DAB1: variants seen among roughly 807,000 people sequenced by gnomAD.
DAB1 encodes the protein disabled homolog 1.
DAB1 carries 15 observed loss-of-function variants against 64.6 expected under a neutral mutation model. The observed-to-expected ratio is 0.23, with a 90% CI of 0.16 to 0.36. The LOEUF (loss-of-function observed/expected upper bound fraction) is 0.36. Among genes scored for constraint, DAB1 ranks in the 10% least tolerant of loss-of-function variants. The pLI is 1.00. For missense variants in DAB1, 596 were observed against 706.7 expected, an observed-to-expected ratio of 0.84 and a Z score of 1.78; for synonymous variants, 235 against 251.9, an observed-to-expected ratio of 0.93 and a Z score of 0.64.
chr1:58,163,684 C>T (rs1280230888), intron 4 of DAB1, among the ~76,000 whole-genome samples: 2 of 152,118 alleles, frequency 1.3e-5, no homozygotes, highest in Non-Finnish European at 2.9e-5. Context: ...GTGGACTCAC[C>T]AGGCTCAAAA....
intron 6 of DAB1, among the ~76,000 whole-genome samples, chr1:57,779,415 C>T (rs992796499): frequency 1.3e-5 from 2 of 152,098 alleles, no homozygotes; most frequent in Admixed American, 6.5e-5. Context: ...TTCTCAAGAG[C>T]TGCAGAGGCC....
At chr1:57,523,929 A>C (rs1025176704) in intron 7 of DAB1, among the ~76,000 whole-genome samples, 4 of 152,166 alleles carry the variant, frequency 2.6e-5, no homozygotes, top group Non-Finnish European at 5.9e-5. Context: ...TGTCTCAAAA[A>C]AAAAGAAAAA....
chr1:57,624,402 G>A (rs1645897802), intron 7 of DAB1, among the ~76,000 whole-genome samples: 1 of 152,086 alleles, frequency 6.6e-6, no homozygotes, highest in South Asian at 2.1e-4. Context: ...AAATGGAAAC[G>A]ATGAAAGGAA....
chr1:57,651,205 A>T (rs1360951327), intron 6 of DAB1, among the ~76,000 whole-genome samples: 1 of 152,318 alleles, frequency 6.6e-6, no homozygotes, highest in East Asian at 1.9e-4. Context: ...CACAAAGTCA[A>T]TATAATAAAA....
intron 1 of DAB1, among the ~76,000 whole-genome samples, chr1:57,827,250 G>GAAC (rs1160023663): frequency 1.3e-5 from 2 of 152,022 alleles, no homozygotes; most frequent in Non-Finnish European, 2.9e-5. Flanking sequence ...TCAAAATGAA[G>GAAC]AACAGTTCAG....
At chr1:57,264,480 C>G (rs1670432862) in intron 2 of DAB1, among the ~76,000 whole-genome samples, 1 of 152,242 alleles carries the variant, frequency 6.6e-6, no homozygotes, top group African/African-American at 2.4e-5. Flanking sequence ...TTTTCAAGGA[C>G]AAATTCCGCA....
At chr1:57,759,088 T>C (rs1406757456) in intron 6 of DAB1, among the ~76,000 whole-genome samples, 6 of 151,810 alleles carry the variant, frequency 4.0e-5, no homozygotes, top group Non-Finnish European at 7.4e-5. Flanking sequence ...AACTATGCTG[T>C]CTTAAGCTGT....
At chr1:57,097,532 G>A (rs1570685486) in intron 4 of DAB1, among the ~76,000 whole-genome samples, 1 of 152,112 alleles carries the variant, frequency 6.6e-6, no homozygotes, top group East Asian at 1.9e-4. Context: ...TGCAGGAGCT[G>A]GAAATATGGA....
chr1:57,147,969 C>A (rs751574791), intron 2 of DAB1, among the ~76,000 whole-genome samples: 16 of 152,162 alleles, frequency 1.1e-4, no homozygotes, highest in Non-Finnish European at 2.4e-4. Flanking sequence ...CAAGCCTGTT[C>A]GCCTAACCAC....
intron 5 of DAB1, among the ~76,000 whole-genome samples, chr1:58,127,303 GTTGT>G (rs1413182448): frequency 5.9e-5 from 9 of 152,218 alleles, no homozygotes; most frequent in Admixed American, 3.3e-4. Context: ...TTTTGATGGG[GTTGT>G]TTGTTTTTTT....
intron 2 of DAB1, among the ~76,000 whole-genome samples, chr1:58,511,660 A>G (rs188617197): frequency 6.6e-6 from 1 of 152,098 alleles, no homozygotes; most frequent in East Asian, 1.9e-4. Context: ...CACAAACCCC[A>G]CAATGAGGAA....
intron 3 of DAB1, among the ~76,000 whole-genome samples, chr1:58,355,255 G>C (rs1644099108): frequency 1.3e-5 from 2 of 152,188 alleles, no homozygotes; most frequent in South Asian, 4.1e-4. Flanking sequence ...TCACCAGCCA[G>C]TCTCCATCTG....
At chr1:57,964,155 C>G (rs901245571) in intron 5 of DAB1, among the ~76,000 whole-genome samples, 3 of 152,110 alleles carry the variant, frequency 2.0e-5, no homozygotes, top group Non-Finnish European at 4.4e-5. Flanking sequence ...GGCTCTGATC[C>G]CCCTAGAGAG....
At chr1:58,359,288 T>A (rs1178975658) in intron 3 of DAB1, among the ~76,000 whole-genome samples, 3 of 152,294 alleles carry the variant, frequency 2.0e-5, no homozygotes, top group Non-Finnish European at 2.9e-5. Flanking sequence ...ATGGCATTTG[T>A]CTAAAATTAC....
chr1:57,790,013 A>T (rs1400721338), intron 6 of DAB1, among the ~76,000 whole-genome samples: 1 of 152,164 alleles, frequency 6.6e-6, no homozygotes, highest in East Asian at 1.9e-4. Context: ...GGCTAACAGG[A>T]GGCACCAACG....
intron 5 of DAB1, among the ~76,000 whole-genome samples, chr1:58,081,892 G>T (rs1304105164): frequency 6.6e-6 from 1 of 152,156 alleles, no homozygotes; most frequent in Non-Finnish European, 1.5e-5. Flanking sequence ...GAGGTCAGAT[G>T]CTTGCATTTC....
chr1:57,836,648 C>T (rs1652821766), intron 1 of DAB1, among the ~76,000 whole-genome samples: 1 of 152,344 alleles, frequency 6.6e-6, no homozygotes. Flanking sequence ...TCGGCATCCG[C>T]CATCTCTTGA....
intron 5 of DAB1, among the ~76,000 whole-genome samples, chr1:57,915,407 C>T (rs1339581972): frequency 1.3e-5 from 2 of 152,134 alleles, no homozygotes; most frequent in African/African-American, 2.4e-5. Context: ...GTCCTGGGTT[C>T]CTTGGGCTAT....
intron 5 of DAB1, among the ~76,000 whole-genome samples, chr1:58,081,589 C>T (rs1557642041): frequency 6.6e-6 from 1 of 152,224 alleles, no homozygotes; most frequent in Non-Finnish European, 1.5e-5. Flanking sequence ...ATAGTATCCC[C>T]AACCACTGTG....
Sources: gnomAD v4.1 joint callset for allele counts (sites outside exome capture counted in the v4.1 genomes callset) on GRCh38, gnomAD v4.1.1 for gene constraint, MANE v1.5 for transcripts, NCBI Gene and HGNC (gene_info 2026-07-23, HGNC 2026-07-21) for gene names.